Variants in CEP112 observed in about 807,000 individuals in gnomAD.
CEP112 encodes the protein centrosomal protein of 112 kDa.
CEP112 carries 127 observed loss-of-function variants against 153.0 expected under a neutral mutation model. The ratio of observed to expected loss-of-function variants is 0.83; its 90% confidence interval spans 0.72 to 0.96. The LOEUF (loss-of-function observed/expected upper bound fraction) is 0.96. Among genes scored for constraint, CEP112 ranks in the 40% least tolerant of loss-of-function variants. The probability of loss-of-function intolerance (pLI) is 0.00; values close to 1 mark genes in which losing one functional copy is unlikely to be tolerated. For synonymous variants in CEP112, 358 were observed against 374.4 expected (o/e 0.96, Z 0.51); for missense variants, 1,089 against 1,101.2 (o/e 0.99, Z 0.16).
At chr17:65,652,995 T>C (rs182762794) in intron 24 of CEP112, among the ~76,000 whole-genome samples, 18 of 152,348 alleles carry the variant, frequency 1.2e-4, no homozygotes, top group African/African-American at 4.1e-4. Flanking sequence ...CCTCCCCATA[T>C]GGCCTTTCCT....
At chr17:65,884,326 T>A (rs928320410) in intron 20 of CEP112, among the ~76,000 whole-genome samples, 4 of 152,176 alleles carry the variant, frequency 2.6e-5, no homozygotes, top group Non-Finnish European at 4.4e-5. Flanking sequence ...GATGAATATC[T>A]AGCTACCTGG....
chr17:66,183,173 A>T, intron 2 of CEP112, 21 bp downstream of exon 2: 1 of 1,455,390 alleles, frequency 6.9e-7, no homozygotes. Context: ...TTAAGAATCT[A>T]ATCTTCAAAC....
chr17:65,939,466 G>C (rs994807670), intron 18 of CEP112, among the ~76,000 whole-genome samples: 3 of 152,062 alleles, frequency 2.0e-5, no homozygotes, highest in Non-Finnish European at 2.9e-5. Flanking sequence ...CAAAGCTGGA[G>C]GCATCACACT....
At chr17:65,848,398 C>T (rs1568110662) in intron 21 of CEP112, among the ~76,000 whole-genome samples, 1 of 152,182 alleles carries the variant, frequency 6.6e-6, no homozygotes, top group South Asian at 2.1e-4. Context: ...GACAATCCCC[C>T]TTTCCAAATA....
At chr17:65,823,800 A>G (rs2056708130) in intron 21 of CEP112, among the ~76,000 whole-genome samples, 1 of 152,200 alleles carries the variant, frequency 6.6e-6, no homozygotes, top group Admixed American at 6.5e-5. Flanking sequence ...AAAAAATCAG[A>G]AAAAGATTTC....
chr17:66,143,608 C>G (rs187047880), intron 4 of CEP112, among the ~76,000 whole-genome samples: 1 of 152,080 alleles, frequency 6.6e-6, no homozygotes, highest in African/African-American at 2.4e-5. Flanking sequence ...GATTACAATT[C>G]GATACACAGA....
At chr17:66,129,019 A>G (rs984035829) in intron 6 of CEP112, among the ~76,000 whole-genome samples, 1 of 152,196 alleles carries the variant, frequency 6.6e-6, no homozygotes, top group Non-Finnish European at 1.5e-5. Flanking sequence ...AACATATTCT[A>G]AAATCATTCT....
chr17:65,973,838 T>C (rs4239075), intron 17 of CEP112, among the ~76,000 whole-genome samples: 62,903 of 151,914 alleles, frequency 0.41, 14,421 homozygotes, highest in East Asian at 0.87. Context: ...GTTTCATGAG[T>C]ATGTACATAG....
chr17:65,689,026 C>T, intron 24 of CEP112, 103 bp downstream of exon 24: 1 of 798,112 alleles, frequency 1.3e-6, no homozygotes, highest in Admixed American at 2.1e-5. Flanking sequence ...CCTCGGCCTC[C>T]CAAAGTGCTG....
At chr17:65,736,550 A>G (rs1242951295) in intron 23 of CEP112, among the ~76,000 whole-genome samples, 1 of 152,164 alleles carries the variant, frequency 6.6e-6, no homozygotes, top group Non-Finnish European at 1.5e-5. Context: ...TATAGAGAAA[A>G]CAAAATAGGC....
chr17:66,053,580 A>G (rs1253115956), intron 12 of CEP112, among the ~76,000 whole-genome samples, 156 bp downstream of exon 12: 1 of 152,228 alleles, frequency 6.6e-6, no homozygotes, highest in Non-Finnish European at 1.5e-5. Flanking sequence ...GGGTCTGTCC[A>G]TGGCCACACA....
At chr17:65,662,975 G>T (rs1427633431) in intron 24 of CEP112, among the ~76,000 whole-genome samples, 1 of 152,148 alleles carries the variant, frequency 6.6e-6, no homozygotes, top group Non-Finnish European at 1.5e-5. Context: ...GGCAACTTAG[G>T]TCTCTATAAC....
In CEP112 at chr17:66,029,240, C is replaced by T. The variant is rs1465409143; in HGVS notation, c.1386G>A (p.Leu462=). 5 of 1,610,294 alleles carry T rather than the reference C, an allele frequency of 3.1e-6. No individual in the cohort carries two copies. The highest frequency in any genetic ancestry group is 2.7e-5 in the African/African-American group (2 of 74,750). The change falls in exon 14 of 27, where the codon CTG becomes CTA. Residue 462 remains leucine (L), a synonymous_variant. Transcript: ENST00000535342. The part of the protein sequence containing the change: ...LQEVKARRNT[L]HKEKDHLVND... ...TTACAAGATGGTCCTTCTCTTTATG[C>T]AGTGTGTTACGCCTAAAAACAAGAG...
intron 20 of CEP112, among the ~76,000 whole-genome samples, chr17:65,882,233 T>C (rs1200050188): frequency 6.6e-6 from 1 of 152,214 alleles, no homozygotes; most frequent in Non-Finnish European, 1.5e-5. Context: ...TCACGGTTGA[T>C]CTCAACTGAT....
At chr17:65,683,714 T>C (rs1175565106) in intron 24 of CEP112, among the ~76,000 whole-genome samples, 1 of 152,168 alleles carries the variant, frequency 6.6e-6, no homozygotes, top group Non-Finnish European at 1.5e-5. Context: ...TCTTTCTGCA[T>C]ATTGTGATTC....
chr17:65,664,365 A>C (rs2046574109), intron 24 of CEP112, among the ~76,000 whole-genome samples: 1 of 152,196 alleles, frequency 6.6e-6, no homozygotes, highest in South Asian at 2.1e-4. Context: ...ATAATATTGG[A>C]TAGTCCATTA....
chr17:66,031,473 G>GTT (rs373101324), intron 12 of CEP112, among the ~76,000 whole-genome samples: 6 of 120,012 alleles, frequency 5.0e-5, no homozygotes, highest in Admixed American at 9.9e-5. Flanking sequence ...GTTTTGTTTT[G>GTT]TTTTTTTTTT....
At chr17:65,710,400 T>C (rs892997772) in intron 23 of CEP112, among the ~76,000 whole-genome samples, 6 of 152,342 alleles carry the variant, frequency 3.9e-5, no homozygotes, top group Non-Finnish European at 5.9e-5. Flanking sequence ...CTTATTAATT[T>C]TTATCCTTTT....
At chr17:66,119,428 A>G (rs184649828) in intron 6 of CEP112, among the ~76,000 whole-genome samples, 2 of 152,326 alleles carry the variant, frequency 1.3e-5, no homozygotes, top group East Asian at 1.9e-4. Context: ...TCTGTTCTCC[A>G]TTCTTATAGT....
Sources: allele counts gnomAD v4.1 joint callset (sites outside exome capture counted in the v4.1 genomes callset), GRCh38; gene constraint gnomAD v4.1.1; transcripts MANE v1.5; gene names NCBI Gene and HGNC (gene_info 2026-07-23, HGNC 2026-07-21).